PTPRD: variants seen among roughly 807,000 people sequenced by gnomAD.
PTPRD encodes protein tyrosine phosphatase receptor type D.
In PTPRD, 34 loss-of-function variants were observed where a neutral mutation model predicts 214.5. The observed-to-expected ratio is 0.16, with a 90% confidence interval of 0.12 to 0.21. The LOEUF is 0.21. Among genes scored for constraint, PTPRD ranks in the 10% least tolerant of loss-of-function variants. The probability of loss-of-function intolerance (pLI) is 1.00; values close to 1 mark genes in which losing one functional copy is unlikely to be tolerated. For missense variants in PTPRD, 2,545 were observed against 2,398.7 expected (o/e 1.06, Z -1.27); for synonymous variants, 1,128 against 845.7 (o/e 1.33, Z -5.79).
At chr9:9,916,147 G>A (rs2080732768) in intron 5 of PTPRD, among the ~76,000 whole-genome samples, 1 of 150,092 alleles carries the variant, frequency 6.7e-6, no homozygotes, top group Non-Finnish European at 1.5e-5. Context: ...TTTCAAAAAT[G>A]GAGGACGAAT....
At chr9:9,732,000 T>C (rs957074004) in intron 7 of PTPRD, among the ~76,000 whole-genome samples, 1 of 152,092 alleles carries the variant, frequency 6.6e-6, no homozygotes, top group African/African-American at 2.4e-5. Context: ...GTGCTATGCT[T>C]TGTCATCTTA....
At chr9:9,038,200 T>C (rs1312822651) in intron 10 of PTPRD, among the ~76,000 whole-genome samples, 1 of 152,018 alleles carries the variant, frequency 6.6e-6, no homozygotes, top group Non-Finnish European at 1.5e-5. Flanking sequence ...AAAAAAAGAT[T>C]GTGGGTGAGC....
chr9:8,475,744 A>G (rs892938175), intron 30 of PTPRD, among the ~76,000 whole-genome samples: 4 of 152,164 alleles, frequency 2.6e-5, no homozygotes, highest in African/African-American at 9.7e-5. Flanking sequence ...TCCCTCTGTC[A>G]TACTTAATCT....
chr9:9,532,697 C>T (rs1010937217), intron 8 of PTPRD, among the ~76,000 whole-genome samples: 1 of 152,098 alleles, frequency 6.6e-6, no homozygotes, highest in African/African-American at 2.4e-5. Context: ...GTTTGAAACC[C>T]ATAACAGATG....
chr9:10,538,826 C>T (rs1203080552), intron 2 of PTPRD, among the ~76,000 whole-genome samples: 1 of 152,024 alleles, frequency 6.6e-6, no homozygotes, highest in East Asian at 1.9e-4. Context: ...ATTGAAAACC[C>T]TGATAAATAT....
intron 11 of PTPRD, among the ~76,000 whole-genome samples, chr9:8,780,576 G>A (rs993187844): frequency 7.2e-5 from 11 of 152,154 alleles, no homozygotes; most frequent in African/African-American, 2.7e-4. Flanking sequence ...CCAAGCCAAG[G>A]TGCTTTTATT....
intron 14 of PTPRD, among the ~76,000 whole-genome samples, chr9:8,610,175 G>A (rs1236891076): frequency 6.6e-6 from 1 of 152,098 alleles, no homozygotes; most frequent in Non-Finnish European, 1.5e-5. Flanking sequence ...TTGTTGTTGT[G>A]CAAACACTGC....
chr9:10,081,693 G>A (rs1229160972), intron 3 of PTPRD, among the ~76,000 whole-genome samples: 1 of 152,030 alleles, frequency 6.6e-6, no homozygotes, highest in Non-Finnish European at 1.5e-5. Context: ...AGCACCCCAA[G>A]CAATGGGTAA....
intron 6 of PTPRD, among the ~76,000 whole-genome samples, chr9:9,760,721 TG>T (rs1416395861): frequency 1.3e-5 from 2 of 151,530 alleles, no homozygotes; most frequent in East Asian, 3.9e-4. Context: ...AATAATCTGA[TG>T]AGGAAATAGG....
intron 12 of PTPRD, among the ~76,000 whole-genome samples, chr9:8,645,243 T>A (rs943647945): frequency 6.6e-6 from 1 of 152,178 alleles, no homozygotes; most frequent in African/African-American, 2.4e-5. Flanking sequence ...TGTAACATCA[T>A]CCCAGGATCC....
intron 12 of PTPRD, among the ~76,000 whole-genome samples, chr9:8,730,324 A>G (rs562207944): frequency 6.6e-6 from 1 of 152,346 alleles, no homozygotes; most frequent in African/African-American, 2.4e-5. Context: ...TTTAACAATA[A>G]GGAAGGAGAA....
intron 4 of PTPRD, among the ~76,000 whole-genome samples, chr9:10,025,062 G>C (rs1217521785): frequency 1.6e-4 from 25 of 151,720 alleles, no homozygotes. Context: ...CCAAGTCTTT[G>C]CTATTGTGAA....
In PTPRD at chr9:9,813,520, G is replaced by T. The variant is rs564855029; in HGVS notation, c.-367-46669C>A. 3.0e-4 allele frequency among the ~76,000 whole-genome samples: 46 copies of T among 152,098 alleles called. No homozygotes were observed. The South Asian group carries it at 3.1e-3, about 10-fold the overall frequency. ...CACCAATAAATTGGATAGCCTAGAAGAAATTAATAAATTCCAAGTAGCATA... is the reference window on the plus strand; with the variant it reads ...CACCAATAAATTGGATAGCCTAGAATAAATTAATAAATTCCAAGTAGCATA... On this transcript the variant is annotated intron_variant, in intron 5 of 45. Coordinates refer to ENST00000381196, the MANE Select transcript of PTPRD (RefSeq NM_002839.4).
intron 9 of PTPRD, among the ~76,000 whole-genome samples, chr9:9,365,608 T>C (rs1184450506): frequency 1.3e-5 from 2 of 151,498 alleles, no homozygotes; most frequent in Admixed American, 1.3e-4. Context: ...TGGTTTAAAA[T>C]ACATTATAAT....
chr9:8,667,272 G>A (rs1274606855), intron 12 of PTPRD, among the ~76,000 whole-genome samples: 1 of 152,212 alleles, frequency 6.6e-6, no homozygotes, highest in Non-Finnish European at 1.5e-5. Flanking sequence ...ACGGGACGCA[G>A]AAGTTGCAGT....
intron 10 of PTPRD, among the ~76,000 whole-genome samples, chr9:9,163,937 T>C (rs780306634): frequency 2.6e-5 from 4 of 152,206 alleles, no homozygotes; most frequent in Non-Finnish European, 5.9e-5. Flanking sequence ...AAGTCTTATG[T>C]TACATATCAC....
chr9:8,921,175 A>G (rs1314486847), intron 11 of PTPRD, among the ~76,000 whole-genome samples: 2 of 152,200 alleles, frequency 1.3e-5, no homozygotes, highest in African/African-American at 4.8e-5. Flanking sequence ...GGAATCTGTG[A>G]GGCTATTCAT....
At chr9:9,400,459 C>T (rs1286056915) in intron 8 of PTPRD, among the ~76,000 whole-genome samples, 1 of 151,710 alleles carries the variant, frequency 6.6e-6, no homozygotes, top group Non-Finnish European at 1.5e-5. Context: ...TCTAATACTA[C>T]AACATATTTT....
At chr9:10,535,476 G>A (rs555438105) in intron 2 of PTPRD, among the ~76,000 whole-genome samples, 1 of 151,960 alleles carries the variant, frequency 6.6e-6, no homozygotes, top group Non-Finnish European at 1.5e-5. Context: ...TGAGCTTACT[G>A]TATGCCAACA....
Sources: gnomAD v4.1 joint callset for allele counts (sites outside exome capture counted in the v4.1 genomes callset) on GRCh38, gnomAD v4.1.1 for gene constraint, MANE v1.5 for transcripts, NCBI Gene and HGNC (gene_info 2026-07-23, HGNC 2026-07-21) for gene names.